SLC38A1: variants seen among roughly 807,000 people sequenced by gnomAD.
The protein encoded by SLC38A1 is solute carrier family 38 member 1.
In SLC38A1, 18 loss-of-function variants were observed where a neutral mutation model predicts 60.3. The observed-to-expected ratio is 0.30, with a 90% CI of 0.21 to 0.44. The LOEUF (loss-of-function observed/expected upper bound fraction) is 0.44. Among genes scored for constraint, SLC38A1 ranks in the 20% least tolerant of loss-of-function variants. The pLI, the probability that SLC38A1 is intolerant of heterozygous loss-of-function variation, is 1.00. For synonymous variants in SLC38A1, 196 were observed against 212.1 expected (o/e 0.92, Z 0.66); for missense variants, 448 against 587.2 (o/e 0.76, Z 2.45).
At chr12:46,265,802 G>A (rs1942332103) in intron 1 of SLC38A1, among the ~76,000 whole-genome samples, 1 of 152,176 alleles carries the variant, frequency 6.6e-6, no homozygotes, top group African/African-American at 2.4e-5. Flanking sequence ...GTAACTGGCT[G>A]TTTCACTCTT....
intron 3 of SLC38A1, among the ~76,000 whole-genome samples, chr12:46,238,294 A>G (rs1941327064): frequency 6.6e-6 from 1 of 152,198 alleles, no homozygotes; most frequent in African/African-American, 2.4e-5. Context: ...ATAATGAGGA[A>G]AAGTGTCTGA....
chr12:46,238,747 T>C (rs1029298762), intron 3 of SLC38A1, among the ~76,000 whole-genome samples: 1 of 152,240 alleles, frequency 6.6e-6, no homozygotes, highest in East Asian at 1.9e-4. Flanking sequence ...AGGACACAGC[T>C]AGTGGCTGGG....
intron 13 of SLC38A1, among the ~76,000 whole-genome samples, chr12:46,199,567 C>T (rs1278488526): frequency 6.6e-6 from 1 of 151,548 alleles, no homozygotes; most frequent in African/African-American, 2.4e-5. Context: ...TTATGTTGCC[C>T]AGGCTGGTCT....
At chr12:46,189,324 G>T (rs574179431) in intron 16 of SLC38A1, among the ~76,000 whole-genome samples, 1 of 151,706 alleles carries the variant, frequency 6.6e-6, no homozygotes, top group Admixed American at 6.6e-5. Context: ...TGACTTCATG[G>T]TCACCTCAAG....
Position 46,207,197 on chromosome 12 carries a change from G to T in SLC38A1, c.521C>A (p.Pro174His), listed in dbSNP as rs1335239628. The change falls in exon 8 of 17, where the codon CCC becomes CAC. Residue 174 changes from proline (P) to histidine (H), a missense_variant. Pro to His is a moderately conservative substitution (Grantham distance 77). This residue lies in a region of SLC38A1 where 346 missense variants were observed against 497.5 expected (regional missense o/e 0.70). Transcript: ENST00000398637. ...TCCCATTAGAAACTTTATGGCAGAG[G>T]GTAGTTCATTTTTTACGATGAAGAG... ...SYLFIVKNEL[P>H]SAIKFLMGKE... 1 of 1,613,312 alleles carries T rather than the reference G, an allele frequency of 6.2e-7. No individual in the cohort carries two copies. The highest frequency in any genetic ancestry group is 1.3e-5 in the African/African-American group (1 of 75,012).
At chr12:46,215,574 A>T (rs1367028843) in intron 5 of SLC38A1, among the ~76,000 whole-genome samples, 1 of 152,030 alleles carries the variant, frequency 6.6e-6, no homozygotes, top group Non-Finnish European at 1.5e-5. Context: ...CACCCAGCTA[A>T]TTTTTGTATT....
chr12:46,261,772 T>C (rs1942204111), intron 1 of SLC38A1, among the ~76,000 whole-genome samples: 1 of 152,228 alleles, frequency 6.6e-6, no homozygotes, highest in African/African-American at 2.4e-5. Context: ...TTAAGAATTC[T>C]TGGCATGATT....
In SLC38A1 at chr12:46,211,060, A is replaced by AT. The variant is rs200236431; in HGVS notation, c.315-1934dup. ...AGATATGGGACCTAATTGTGGCATGATTTTTTTTCCCGTCAAGTAAGATAA... is the reference window on the plus strand; with the variant it reads ...AGATATGGGACCTAATTGTGGCATGATTTTTTTTTCCCGTCAAGTAAGATAA... On this transcript the variant is annotated intron_variant, in intron 5 of 16. Coordinates refer to ENST00000398637, the MANE Select transcript of SLC38A1 (RefSeq NM_030674.4). 9.2e-3 allele frequency among the ~76,000 whole-genome samples: 1,392 copies of AT among 152,128 alleles called. 20 individuals are homozygous for AT. The highest frequency in any genetic ancestry group is 0.031 in the African/African-American group (1,296 of 41,474).
At chr12:46,197,108 A>G (rs1054912313) in intron 16 of SLC38A1, among the ~76,000 whole-genome samples, 3 of 152,142 alleles carry the variant, frequency 2.0e-5, no homozygotes, top group African/African-American at 4.8e-5. Flanking sequence ...AAGACTAGAC[A>G]CTGTCCTATA....
Position 46,212,028 on chromosome 12 carries a change from T to C in SLC38A1, c.315-2901A>G, listed in dbSNP as rs141703558. Among the ~76,000 whole-genome samples the C allele has an allele frequency of 3.4e-4, 52 of 152,340 alleles. 3 individuals carry two copies. The highest frequency in any genetic ancestry group is 1.3e-3 in the African/African-American group (52 of 41,586). ...AAATTTAGAAAAGTATACCTCCTTGTTCAGATTCTTAGAAAGAAGGAATAT... is the reference window on the plus strand; with the variant it reads ...AAATTTAGAAAAGTATACCTCCTTGCTCAGATTCTTAGAAAGAAGGAATAT... On this transcript the variant is annotated intron_variant, in intron 5 of 16. Coordinates refer to ENST00000398637, the MANE Select transcript of SLC38A1 (RefSeq NM_030674.4).
intron 5 of SLC38A1, among the ~76,000 whole-genome samples, chr12:46,224,470 G>C (rs1024468270): frequency 8.6e-5 from 13 of 151,976 alleles, no homozygotes; most frequent in Admixed American, 6.6e-5. Context: ...AAAAGAAATC[G>C]CACCAACAAG....
chr12:46,230,833 C>T (rs770846152), intron 3 of SLC38A1, among the ~76,000 whole-genome samples: 1 of 152,148 alleles, frequency 6.6e-6, no homozygotes, highest in Non-Finnish European at 1.5e-5. Flanking sequence ...AAAAGGAATG[C>T]TTATACACCA....
In SLC38A1 at chr12:46,224,310, C is replaced by T. The variant is rs80340530; in HGVS notation, c.314+4843G>A. 1.6e-4 allele frequency among the ~76,000 whole-genome samples: 25 copies of T among 152,206 alleles called. 1 individual carries two copies. The East Asian group carries it at 4.8e-3, about 29-fold the overall frequency. ...ATGATAAATCGAGAGTGCCCACCAG[C>T]ATCCTCAGAATTCAGAAAAATGCAA... is the stretch of plus-strand genomic sequence containing the variant. On this transcript the variant is annotated intron_variant, in intron 5 of 16. Coordinates refer to ENST00000398637, the MANE Select transcript of SLC38A1 (RefSeq NM_030674.4).
intron 5 of SLC38A1, among the ~76,000 whole-genome samples, chr12:46,219,611 T>C (rs6582623): frequency 0.9 from 136,974 of 152,166 alleles, 61,902 homozygotes; most frequent in African/African-American, 0.97. Context: ...AGTAGTTTTC[T>C]AATTAAACCA....
At position 46,185,218 on chromosome 12, in the gene SLC38A1, C is replaced by G. The variant is rs1938894011; in HGVS notation, c.*3752G>C. The G allele has an allele frequency of 6.6e-6, 1 of 152,194 alleles. No individual in the cohort carries two copies. The highest frequency in any genetic ancestry group is 1.5e-5 in the Non-Finnish European group (1 of 68,078). 9.4% of individuals were successfully genotyped at this position (152,194 alleles called of 1,614,324 possible). On this transcript the variant is annotated 3_prime_UTR_variant, in exon 17 of 17. Transcript: ENST00000398637. ...TGTCTGGGAGGGGGCTGAGAATCTG[C>G]ATTCTAATGAGGTCCCCGATGATGC...
intron 5 of SLC38A1, among the ~76,000 whole-genome samples, chr12:46,217,677 C>T (rs764134211): frequency 6.6e-6 from 1 of 152,176 alleles, no homozygotes; most frequent in African/African-American, 2.4e-5. Context: ...TTATTCAGTC[C>T]TAAAGTGGAC....
intron 1 of SLC38A1, among the ~76,000 whole-genome samples, chr12:46,244,526 T>C (rs1248053079): frequency 6.6e-6 from 1 of 152,256 alleles, no homozygotes; most frequent in African/African-American, 2.4e-5. Flanking sequence ...TCCACTTTAC[T>C]GGTACCATTC....
At chr12:46,259,801 T>C (rs897883079) in intron 1 of SLC38A1, among the ~76,000 whole-genome samples, 7 of 152,202 alleles carry the variant, frequency 4.6e-5, no homozygotes, top group African/African-American at 1.4e-4. Flanking sequence ...CCTTCCCTTC[T>C]TGACATCCAT....
At chr12:46,205,467 G>A (rs960254593) in intron 9 of SLC38A1, among the ~76,000 whole-genome samples, 1 of 152,106 alleles carries the variant, frequency 6.6e-6, no homozygotes, top group Non-Finnish European at 1.5e-5. Flanking sequence ...TTTTTGACTA[G>A]ATGGCAGTCT....
Sources: gnomAD v4.1 joint callset for allele counts (sites outside exome capture counted in the v4.1 genomes callset) on GRCh38, gnomAD v4.1.1 for gene constraint, gnomAD v4.1.1 regional missense constraint, MANE v1.5 for transcripts, NCBI Gene and HGNC (gene_info 2026-07-23, HGNC 2026-07-21) for gene names.